Variants in UBASH3B observed in about 807,000 individuals in gnomAD.
UBASH3B encodes ubiquitin associated and SH3 domain containing B.
In UBASH3B, 37 loss-of-function variants were observed where a neutral mutation model predicts 83.4. The ratio of observed to expected loss-of-function variants is 0.44; its 90% CI spans 0.34 to 0.58. The LOEUF (loss-of-function observed/expected upper bound fraction) is 0.58. Ranked by LOEUF, UBASH3B falls within the 20% of genes least tolerant of loss-of-function variation. The pLI, the probability that UBASH3B is intolerant of heterozygous loss-of-function variation, is 0.01. For synonymous variants in UBASH3B, 304 were observed against 318.3 expected (o/e 0.96, Z 0.48); for missense variants, 657 against 827.2 (o/e 0.79, Z 2.52).
chr11:122,761,270 C>T (rs1022208632), intron 1 of UBASH3B, among the ~76,000 whole-genome samples: 19 of 152,206 alleles, frequency 1.2e-4, no homozygotes, highest in Middle Eastern at 3.4e-3. Context: ...TGTGTTTACT[C>T]ACATATTCTT....
intron 1 of UBASH3B, among the ~76,000 whole-genome samples, chr11:122,673,465 G>A (rs999120199): frequency 6.6e-6 from 1 of 152,070 alleles, no homozygotes; most frequent in Admixed American, 6.6e-5. Flanking sequence ...TGGCTAACAC[G>A]GTGAAACCCC....
chr11:122,739,844 G>A (rs1860996203), intron 1 of UBASH3B, among the ~76,000 whole-genome samples: 1 of 152,098 alleles, frequency 6.6e-6, no homozygotes, highest in South Asian at 2.1e-4. Context: ...CCTACAAGAT[G>A]GATAACACAT....
chr11:122,811,280 C>T lies in UBASH3B; in HGVS notation c.*1394C>T, dbSNP rs1861444186. The T allele has an allele frequency of 6.6e-6, 1 of 152,564 alleles. No individual in the cohort carries two copies. The highest frequency in any genetic ancestry group is 1.5e-5 in the Non-Finnish European group (1 of 68,040). The allele number at this position is 152,564 out of a possible 1,614,324, so 9.5% of individuals were successfully genotyped here. A position where few individuals can be genotyped will look rare whatever the true frequency, so the allele number is the denominator to read the frequency against. ...TAGAAGATGTATGCAAAGTGAAATGCCAGCCCTTTAAAGAGACATTAGTTA... is the reference window on the plus strand; with the variant it reads ...TAGAAGATGTATGCAAAGTGAAATGTCAGCCCTTTAAAGAGACATTAGTTA... On this transcript the variant is annotated 3_prime_UTR_variant, in exon 14 of 14. Coordinates refer to ENST00000284273, the MANE Select transcript of UBASH3B (RefSeq NM_032873.5).
chr11:122,804,918 T>C (rs75800752), intron 11 of UBASH3B, among the ~76,000 whole-genome samples: 2,176 of 152,160 alleles, frequency 0.014, 53 homozygotes, highest in African/African-American at 0.05. Context: ...CTCTACATAG[T>C]TAAGCGGGGG....
At chr11:122,795,920 G>A (rs908289846) in intron 7 of UBASH3B, among the ~76,000 whole-genome samples, 1 of 152,190 alleles carries the variant, frequency 6.6e-6, no homozygotes. Flanking sequence ...ACAAAGAGCA[G>A]CCGTAGCAAC....
chr11:122,656,334 T>G (rs1028134023), intron 1 of UBASH3B, 124 bp downstream of exon 1: 2 of 1,037,628 alleles, frequency 1.9e-6, no homozygotes, highest in Non-Finnish European at 2.5e-6. Flanking sequence ...GCCCGAGACC[T>G]GTTGGGGGCG....
At chr11:122,791,073 C>T (rs978414929) in intron 6 of UBASH3B, among the ~76,000 whole-genome samples, 3 of 152,206 alleles carry the variant, frequency 2.0e-5, no homozygotes, top group Admixed American at 6.5e-5. Flanking sequence ...TGAGTGACTT[C>T]GGTCAGTGCG....
In UBASH3B at chr11:122,806,643, C is replaced by T; in HGVS notation, c.1702+127C>T. 7.7e-7 allele frequency: 1 copy of T among 1,291,672 alleles called. No individual in the cohort carries two copies. The highest frequency in any genetic ancestry group is 1.0e-6 in the Non-Finnish European group (1 of 997,628). The allele number at this position is 1,291,672 out of a possible 1,614,324, so 80.0% of individuals were successfully genotyped here. A position where few individuals can be genotyped will look rare whatever the true frequency, so the allele number is the denominator to read the frequency against. On this transcript the variant is annotated intron_variant, in intron 12 of 13. Transcript: ENST00000284273. The surrounding 1 kb of genome is among the most constrained non-coding windows in gnomAD (Gnocchi z 4.0). ...AGAAATGTATTTCCAGATTTTCTTC[C>T]AGATACTTTTACATTAAATTTGTAA...
intron 1 of UBASH3B, among the ~76,000 whole-genome samples, chr11:122,666,139 C>T (rs11603936): frequency 0.013 from 2,027 of 152,336 alleles, 47 homozygotes; most frequent in African/African-American, 0.046. Context: ...TGCATGCTCC[C>T]GATTTCTTTC....
chr11:122,662,682 C>G (rs951402953), intron 1 of UBASH3B, among the ~76,000 whole-genome samples: 3 of 151,636 alleles, frequency 2.0e-5, no homozygotes, highest in Admixed American at 2.0e-4. Context: ...CCGCCCGCCT[C>G]GGCCTCCCAA....
intron 1 of UBASH3B, among the ~76,000 whole-genome samples, chr11:122,718,211 C>T (rs1591784351): frequency 6.6e-6 from 1 of 152,146 alleles, no homozygotes; most frequent in East Asian, 1.9e-4. Flanking sequence ...AGGTGTGAGC[C>T]ACCATGCCCG....
chr11:122,756,936 T>A (rs2135972780), intron 1 of UBASH3B, among the ~76,000 whole-genome samples: 1 of 152,334 alleles, frequency 6.6e-6, no homozygotes, highest in Non-Finnish European at 1.5e-5. Flanking sequence ...CCTGTCCCCA[T>A]CAAATCACTT....
chr11:122,667,184 C>T (rs769285220), intron 1 of UBASH3B, among the ~76,000 whole-genome samples: 35 of 151,604 alleles, frequency 2.3e-4, no homozygotes, highest in Admixed American at 4.0e-4. Flanking sequence ...GCTGGGATTA[C>T]AGGCACGCAC....
intron 5 of UBASH3B, among the ~76,000 whole-genome samples, chr11:122,787,201 T>C (rs1860971120): frequency 6.6e-6 from 1 of 152,222 alleles, no homozygotes; most frequent in Admixed American, 6.5e-5. Flanking sequence ...TTCCTTTTCA[T>C]GGGACGTCAC....
At chr11:122,763,692 G>A (rs1860484252) in intron 1 of UBASH3B, among the ~76,000 whole-genome samples, 1 of 152,192 alleles carries the variant, frequency 6.6e-6, no homozygotes, top group Admixed American at 6.5e-5. Flanking sequence ...GAAAGCAGAG[G>A]CCATTAACCC....
At chr11:122,661,579 C>G (rs921583196) in intron 1 of UBASH3B, among the ~76,000 whole-genome samples, 3 of 152,212 alleles carry the variant, frequency 2.0e-5, no homozygotes, top group Non-Finnish European at 2.9e-5. Flanking sequence ...AAGGAAGTCT[C>G]TAATCTACCT....
intron 1 of UBASH3B, among the ~76,000 whole-genome samples, chr11:122,772,084 C>T (rs1860654931): frequency 6.6e-6 from 1 of 152,192 alleles, no homozygotes. Flanking sequence ...ATGAGTATTG[C>T]TGTGTTTCTC....
At chr11:122,745,891 G>A (rs950216950) in intron 1 of UBASH3B, among the ~76,000 whole-genome samples, 2 of 152,198 alleles carry the variant, frequency 1.3e-5, no homozygotes, top group African/African-American at 2.4e-5. Context: ...AATGACTGGG[G>A]GAGCACGTAT....
intron 1 of UBASH3B, 88 bp from the exon 2 acceptor site, chr11:122,776,131 G>T: frequency 8.2e-7 from 1 of 1,218,782 alleles, no homozygotes; most frequent in Admixed American, 2.2e-5. Context: ...CACAGGCTTT[G>T]ATGTCGCCTC....
Sources: gnomAD v4.1 joint callset for allele counts (sites outside exome capture counted in the v4.1 genomes callset) on GRCh38, gnomAD v4.1.1 for gene constraint, Gnocchi (gnomAD v3.1) non-coding constraint, MANE v1.5 for transcripts, NCBI Gene and HGNC (gene_info 2026-07-23, HGNC 2026-07-21) for gene names.